SOCS5: variants seen among roughly 807,000 people sequenced by gnomAD.
The protein encoded by SOCS5 is CIS-6.
In SOCS5, 32 loss-of-function variants were observed where a neutral mutation model predicts 42.8. That is an observed-to-expected ratio of 0.75 (90% CI 0.56 to 1.01). The LOEUF (loss-of-function observed/expected upper bound fraction) is 1.01, where lower values mean the gene tolerates loss of function less well. SOCS5 is among the 50% of genes least tolerant of loss of function. The pLI is 0.00. For synonymous variants in SOCS5, 283 were observed against 229.6 expected (o/e 1.23, Z -2.10); for missense variants, 627 against 653.0 (o/e 0.96, Z 0.43).
At chr2:46,699,206 G>T (rs1455988090), upstream of SOCS5, 6 of 152,738 alleles carry the variant, frequency 3.9e-5, no homozygotes, top group Non-Finnish European at 8.8e-5. The surrounding 1 kb of genome is among the most constrained non-coding windows in gnomAD (Gnocchi z 4.8). Context: ...GGGGAGGGGG[G>T]AGGGGAAACG....
At chr2:46,740,826 C>T (rs1673356551) in intron 1 of SOCS5, among the ~76,000 whole-genome samples, 1 of 152,132 alleles carries the variant, frequency 6.6e-6, no homozygotes, top group Non-Finnish European at 1.5e-5. Flanking sequence ...CCACTTGTGT[C>T]ACTGATTTTG....
chr2:46,726,128 G>T (rs528693625), intron 1 of SOCS5, among the ~76,000 whole-genome samples: 2 of 151,774 alleles, frequency 1.3e-5, no homozygotes, highest in Admixed American at 1.3e-4. Context: ...ACGGAGTCTC[G>T]CTCTGTCGCC....
chr2:46,712,674 A>G (rs1672653264), intron 1 of SOCS5, among the ~76,000 whole-genome samples: 1 of 152,178 alleles, frequency 6.6e-6, no homozygotes, highest in South Asian at 2.1e-4. Flanking sequence ...AGTCTGCACT[A>G]TTGAGACGCT....
At chr2:46,716,091 T>G (rs1161567126) in intron 1 of SOCS5, among the ~76,000 whole-genome samples, 1 of 145,242 alleles carries the variant, frequency 6.9e-6, no homozygotes, top group East Asian at 2.0e-4. Flanking sequence ...CCAGTCAATT[T>G]TTCATGTCAG....
chr2:46,751,093 A>G (rs1197822396), intron 1 of SOCS5, among the ~76,000 whole-genome samples: 3 of 152,168 alleles, frequency 2.0e-5, no homozygotes, highest in Non-Finnish European at 4.4e-5. Context: ...CCAAGTTGTT[A>G]TTAATCTCTC....
At chr2:46,730,264 T>G (rs1024690976) in intron 1 of SOCS5, among the ~76,000 whole-genome samples, 7 of 152,186 alleles carry the variant, frequency 4.6e-5, no homozygotes, top group Admixed American at 1.3e-4. Context: ...TTAATACTGT[T>G]TGTCCTAGAT....
intron 1 of SOCS5, among the ~76,000 whole-genome samples, chr2:46,723,522 C>T (rs746593357): frequency 1.3e-5 from 2 of 151,958 alleles, no homozygotes; most frequent in Non-Finnish European, 2.9e-5. Context: ...GTTACAACAC[C>T]TATTGTTTAG....
At chr2:46,720,042 A>T (rs1321194019) in intron 1 of SOCS5, among the ~76,000 whole-genome samples, 12 of 152,182 alleles carry the variant, frequency 7.9e-5, no homozygotes, top group African/African-American at 2.7e-4. Flanking sequence ...TGCTGAAAGG[A>T]TGTGAGTGAT....
chr2:46,746,484 T>C (rs1673498057), intron 1 of SOCS5, among the ~76,000 whole-genome samples: 1 of 152,080 alleles, frequency 6.6e-6, no homozygotes, highest in African/African-American at 2.4e-5. Flanking sequence ...AACCCGTCTC[T>C]AGTAAAAATA....
At chr2:46,739,660 C>A (rs1054219867) in intron 1 of SOCS5, among the ~76,000 whole-genome samples, 5 of 152,178 alleles carry the variant, frequency 3.3e-5, no homozygotes, top group African/African-American at 1.2e-4. Context: ...TCGCATCCCC[C>A]AGAAGTAACC....
Position 46,735,727 on chromosome 2 carries a change from A to G in SOCS5, c.-12-22792A>G, listed in dbSNP as rs74618052. ...GAAGAGTACAGCAAAAATATCAGAC[A>G]TAAGCAGATGGCAGTATTTAAATAC... On this transcript the variant is annotated intron_variant, in intron 1 of 1. Coordinates refer to ENST00000394861, the MANE Select transcript of SOCS5 (RefSeq NM_144949.3). Among the ~76,000 whole-genome samples the G allele has an allele frequency of 6.6e-3, 1,006 of 152,226 alleles. 7 individuals carry two copies. Among genetic ancestry groups the G allele is most frequent in the African/African-American group, 0.023 (963 of 41,546 alleles).
intron 1 of SOCS5, among the ~76,000 whole-genome samples, chr2:46,730,749 ATCAC>A (rs1558406023): frequency 6.6e-6 from 1 of 152,238 alleles, no homozygotes; most frequent in Non-Finnish European, 1.5e-5. Context: ...AAATCTATCA[ATCAC>A]ATTTCCGGAG....
intron 1 of SOCS5, among the ~76,000 whole-genome samples, chr2:46,749,588 G>C (rs1673580636): frequency 6.6e-6 from 1 of 152,070 alleles, no homozygotes; most frequent in African/African-American, 2.4e-5. Flanking sequence ...TAGGATTTTA[G>C]GCTTCTCTAG....
chr2:46,737,655 A>G (rs1186808976), intron 1 of SOCS5, among the ~76,000 whole-genome samples: 3 of 152,178 alleles, frequency 2.0e-5, no homozygotes, highest in Non-Finnish European at 4.4e-5. Flanking sequence ...TAATTCATGC[A>G]TTTACATAGA....
intron 1 of SOCS5, among the ~76,000 whole-genome samples, chr2:46,713,404 G>A (rs1479091571): frequency 6.6e-6 from 1 of 152,122 alleles, no homozygotes; most frequent in Admixed American, 6.6e-5. Flanking sequence ...TTTTATGTCT[G>A]TTTTGGTAAT....
At position 46,758,934 on chromosome 2, in the gene SOCS5, C is replaced by G; in HGVS notation, c.404C>G (p.Ser135Ter). ...TCCTGTTCTACAAAGACCCAGAGTT[C>G]ATTGGATGCTGATAAAAAGTTTGGT... is the stretch of plus-strand genomic sequence containing the variant. Reference protein sequence around the residue: ...KHSCSTKTQSSLDADKKFGRT... With the variant: ...KHSCSTKTQS Residue 135 changes from serine to a stop codon, truncating the protein, a stop_gained, in exon 2 of 2, where the codon TCA becomes TGA. Transcript: ENST00000394861. LOFTEE classifies it high-confidence loss of function. 6.2e-7 allele frequency: 1 copy of G among 1,613,956 alleles called. No homozygotes were observed. The highest frequency in any genetic ancestry group is 8.5e-7 in the Non-Finnish European group (1 of 1,179,860).
rs1404107315 is a variant in SOCS5 at position 46,733,576 on chromosome 2, AAAAAG to A, written c.-12-24938_-12-24934del. Among the ~76,000 whole-genome samples, 321 of 150,226 alleles carry A rather than the reference AAAAAG, an allele frequency of 2.1e-3. 1 individual carries two copies. Among genetic ancestry groups the A allele is most frequent in the African/African-American group, 7.4e-3 (302 of 40,596 alleles). On this transcript the variant is annotated intron_variant, in intron 1 of 1. Transcript: ENST00000394861. ...AAACTGAGACCCTGTCTCAAAAAAA[AAAAAG>A]AAAAAAAAAAAAAAAGGAATAACCA...
intron 1 of SOCS5, among the ~76,000 whole-genome samples, chr2:46,708,973 A>G (rs1219887564): frequency 2.3e-5 from 3 of 129,738 alleles, no homozygotes; most frequent in African/African-American, 8.9e-5. Context: ...TGCAACCTCC[A>G]CCTCCCAGGT....
chr2:46,708,110 G>A (rs1267468236), intron 1 of SOCS5, among the ~76,000 whole-genome samples: 2 of 152,194 alleles, frequency 1.3e-5, no homozygotes, highest in Non-Finnish European at 2.9e-5. Flanking sequence ...TTGGCTTGTG[G>A]TAGATAGATG....
Sources: allele counts gnomAD v4.1 joint callset (sites outside exome capture counted in the v4.1 genomes callset), GRCh38; gene constraint gnomAD v4.1.1; non-coding constraint Gnocchi (gnomAD v3.1); transcripts MANE v1.5; gene names NCBI Gene and HGNC (gene_info 2026-07-23, HGNC 2026-07-21).